The following KNTC1 variants were observed in gnomAD, a reference collection of about 807,000 sequenced individuals.
KNTC1 encodes the protein kinetochore associated 1.
Under a neutral mutation model 314.4 loss-of-function variants are expected in KNTC1, and 253 were observed. That is an observed-to-expected ratio of 0.80 (90% CI 0.73 to 0.89). The LOEUF is 0.89. Ranked by LOEUF, KNTC1 falls within the 40% of genes least tolerant of loss-of-function variation. The probability of loss-of-function intolerance (pLI) is 0.00; values close to 1 mark genes in which losing one functional copy is unlikely to be tolerated. For missense variants in KNTC1, 2,475 were observed against 2,572.9 expected (o/e 0.96, Z 0.82); for synonymous variants, 901 against 901.4 (o/e 1.00, Z 0.01).
In KNTC1 at chr12:122,594,285, C is replaced by G; in HGVS notation, c.4255C>G (p.Gln1419Glu). Reference protein sequence around the residue: ...IRLGKLGISFQPVFRQHFLTK... With the variant: ...IRLGKLGISFEPVFRQHFLTK... Reference sequence around the variant, plus strand: ...TTCTTTTTATTTCTAGATTTCTTTTCAACCAGTTTTCAGGCAACATTTTCT... The same window carrying G: ...TTCTTTTTATTTCTAGATTTCTTTTGAACCAGTTTTCAGGCAACATTTTCT... Residue 1419 changes from glutamine (Q) to glutamate (E), a missense_variant, in exon 43 of 64, where the codon CAA becomes GAA. Gln to Glu is a conservative substitution (Grantham distance 29). Coordinates refer to ENST00000333479, the MANE Select transcript of KNTC1 (RefSeq NM_014708.6). 1 of 1,592,182 alleles carries G rather than the reference C, an allele frequency of 6.3e-7. No individual in the cohort carries two copies. The highest frequency in any genetic ancestry group is 8.6e-7 in the Non-Finnish European group (1 of 1,162,130).
chr12:122,589,552 C>G lies in KNTC1; in HGVS notation c.3999+736C>G, dbSNP rs1182583391. ...GAGGCACCATCATAGCTTACTGCAG[C>G]CTTGAACTCATGGGCTCAAGCAACC... On this transcript the variant is annotated intron_variant, in intron 40 of 63. Coordinates refer to ENST00000333479, the MANE Select transcript of KNTC1 (RefSeq NM_014708.6). 9.9e-5 allele frequency among the ~76,000 whole-genome samples: 15 copies of G among 150,894 alleles called. 1 individual carries two copies. In the Middle Eastern group the frequency reaches 0.01, roughly 105 times the overall value.
intron 53 of KNTC1, chr12:122,612,802 C>A (rs535768123): frequency 1.3e-5 from 3 of 227,432 alleles, no homozygotes; most frequent in East Asian, 1.9e-4. Context: ...TCCATTCTGC[C>A]TGCAATTTCA....
At chr12:122,604,048 G>T (rs1247730292) in intron 48 of KNTC1, among the ~76,000 whole-genome samples, 1 of 152,050 alleles carries the variant, frequency 6.6e-6, no homozygotes, top group East Asian at 1.9e-4. Context: ...TACCCATTAG[G>T]GTTAAGATGC....
At chr12:122,557,333 A>G (rs2137817287) in intron 16 of KNTC1, 51 bp from the exon 17 acceptor site, 1 of 1,562,784 alleles carries the variant, frequency 6.4e-7, no homozygotes, top group South Asian at 1.2e-5. Flanking sequence ...TAAGCCATCC[A>G]CAGGTATTAT....
At chr12:122,545,538 AT>A (rs1962694302) in intron 8 of KNTC1, among the ~76,000 whole-genome samples, 1 of 152,194 alleles carries the variant, frequency 6.6e-6, no homozygotes, top group African/African-American at 2.4e-5. Flanking sequence ...TTTTTTCCAA[AT>A]ATCTGTGGTA....
chr12:122,570,479 G>A (rs1157742655), intron 22 of KNTC1, among the ~76,000 whole-genome samples: 1 of 147,842 alleles, frequency 6.8e-6, no homozygotes, highest in African/African-American at 2.5e-5. Context: ...CATTGCATGA[G>A]ATCCAGCATG....
At chr12:122,584,135 A>G (rs1218626909) in intron 34 of KNTC1, 143 bp from the exon 35 acceptor site, 1 of 662,478 alleles carries the variant, frequency 1.5e-6, no homozygotes, top group Non-Finnish European at 2.5e-6. Context: ...AAAAAACAAA[A>G]GAAAAACTAC....
Position 122,605,374 on chromosome 12 carries a change from T to G in KNTC1, c.5455T>G (p.Leu1819Val). Residue 1819 changes from leucine (L) to valine (V), a missense_variant, in exon 51 of 64, where the codon TTG (leucine) becomes GTG (valine). Leu to Val is a conservative substitution (Grantham distance 32). Transcript: ENST00000333479. ...TAATTTGGAAAAAGTCTGGGACATG[T>G]TGTTGGAAAAATGGCTATGCCCTTC... Reference protein sequence around the residue: ...EINLEKVWDMLLEKWLCPSTK... With the variant: ...EINLEKVWDMVLEKWLCPSTK... 6.2e-7 allele frequency: 1 copy of G among 1,604,934 alleles called. No individual in the cohort carries two copies. Among genetic ancestry groups the G allele is most frequent in the African/African-American group, 1.3e-5 (1 of 74,870 alleles).
At chr12:122,604,687 G>T (rs781353946) in intron 49 of KNTC1, 50 bp downstream of exon 49, 21 of 1,355,190 alleles carry the variant, frequency 1.5e-5, no homozygotes, top group Non-Finnish European at 2.2e-5. Flanking sequence ...TAATTAAATT[G>T]TACTAGCTTA....
At chr12:122,576,451 T>G (rs1445617525) in intron 29 of KNTC1, among the ~76,000 whole-genome samples, 1 of 151,904 alleles carries the variant, frequency 6.6e-6, no homozygotes, top group Non-Finnish European at 1.5e-5. Context: ...GAGGCCAAGG[T>G]GGGTGGATCA....
intron 63 of KNTC1, 25 bp downstream of exon 63, chr12:122,624,713 G>T: frequency 1.3e-6 from 2 of 1,526,660 alleles, no homozygotes; most frequent in Non-Finnish European, 9.1e-7. Context: ...AAGTTCTTAG[G>T]TTCTAACTTG....
intron 16 of KNTC1, among the ~76,000 whole-genome samples, chr12:122,553,203 GACTT>G (rs1963318553): frequency 1.3e-5 from 2 of 151,904 alleles, no homozygotes; most frequent in Non-Finnish European, 2.9e-5. Flanking sequence ...GAATCAGCAG[GACTT>G]AGTGATCAAA....
Position 122,611,038 on chromosome 12 carries a change from A to G in KNTC1, c.5622+138A>G, listed in dbSNP as rs1822086694. The G allele has an allele frequency of 1.8e-5, 12 of 664,940 alleles. No individual in the cohort carries two copies. The South Asian group carries it at 2.0e-4, about 11-fold the overall frequency. The allele number at this position is 664,940 out of a possible 1,614,324, so 41.2% of individuals were successfully genotyped here. On this transcript the variant is annotated intron_variant, in intron 53 of 63. Transcript: ENST00000333479. ...TACATATGTATTCAAAGTCTGTCTCATCTCCTAAGCAAGCATTGTCTTGCA... is the reference window on the plus strand; with the variant it reads ...TACATATGTATTCAAAGTCTGTCTCGTCTCCTAAGCAAGCATTGTCTTGCA...
chr12:122,545,524 A>C (rs180734897), intron 8 of KNTC1, among the ~76,000 whole-genome samples: 122 of 152,296 alleles, frequency 8.0e-4, no homozygotes, highest in African/African-American at 2.8e-3. Flanking sequence ...AATATTTATA[A>C]ATTTTTTTTC....
intron 48 of KNTC1, among the ~76,000 whole-genome samples, chr12:122,603,641 C>T (rs1468712097): frequency 8.6e-5 from 13 of 151,976 alleles, no homozygotes; most frequent in African/African-American, 2.7e-4. Context: ...TACAGGTGCG[C>T]GCCATCATGC....
intron 4 of KNTC1, among the ~76,000 whole-genome samples, chr12:122,539,218 G>C (rs2137690574): frequency 6.6e-6 from 1 of 152,328 alleles, no homozygotes; most frequent in East Asian, 1.9e-4. Flanking sequence ...AGCTTGTTAA[G>C]GGAGGCAGGA....
chr12:122,618,386 C>G lies in KNTC1; in HGVS notation c.6074C>G (p.Pro2025Arg). 1 of 1,613,640 alleles carries G rather than the reference C, an allele frequency of 6.2e-7. No individual in the cohort carries two copies. Among genetic ancestry groups the G allele is most frequent in the Non-Finnish European group, 8.5e-7 (1 of 1,179,692 alleles). ...GCGTGGCAGCGTGTGATACAGATAC[C>G]ACTGCTTTCAGGTATTTCGCTCTCT... is the stretch of plus-strand genomic sequence containing the variant. Reference protein sequence around the residue: ...SKAWQRVIQIPLLSASCPLSP... With the variant: ...SKAWQRVIQIRLLSASCPLSP... The change falls in exon 58 of 64, where the codon CCA becomes CGA. Residue 2025 changes from proline (P) to arginine (R), a missense_variant. By Grantham distance (103) the Pro-to-Arg change is moderately radical (BLOSUM62 -2). Transcript: ENST00000333479.
intron 55 of KNTC1, among the ~76,000 whole-genome samples, chr12:122,613,997 A>G (rs1216105940): frequency 6.6e-6 from 1 of 151,966 alleles, no homozygotes; most frequent in Non-Finnish European, 1.5e-5. Flanking sequence ...CACCTGGCTA[A>G]TTTTTGTATT....
rs954256905 is a variant in KNTC1, at chr12:122,585,584, T to C, written c.3535-52T>C. 13 of 1,581,388 alleles carry C rather than the reference T, an allele frequency of 8.2e-6. No homozygotes were observed. In the East Asian group the frequency reaches 9.0e-5, roughly 11 times the overall value. On this transcript the variant is annotated intron_variant, in intron 36 of 63. Coordinates refer to ENST00000333479, the MANE Select transcript of KNTC1 (RefSeq NM_014708.6). The stretch of plus-strand genomic sequence containing the variant: ...ATAAGCCATAGACCAGAAGAAACAA[T>C]GTGTTGTGCAGCGTACTGAGTTCTC...
Sources: gnomAD v4.1 joint callset for allele counts (sites outside exome capture counted in the v4.1 genomes callset) on GRCh38, gnomAD v4.1.1 for gene constraint, MANE v1.5 for transcripts, NCBI Gene and HGNC (gene_info 2026-07-23, HGNC 2026-07-21) for gene names.